Variants in PIK3R3 observed in about 807,000 individuals in gnomAD.
The protein encoded by PIK3R3 is phosphoinositide-3-kinase regulatory subunit 3, also known as phosphatidylinositol 3-kinase regulatory subunit gamma.
In PIK3R3, 64 loss-of-function variants were observed where a neutral mutation model predicts 62.9. The ratio of observed to expected loss-of-function variants is 1.02; its 90% CI spans 0.83 to 1.25. The LOEUF (loss-of-function observed/expected upper bound fraction) is 1.25. Among genes scored for constraint, PIK3R3 ranks in the 50% most tolerant of loss-of-function variants. The pLI, the probability that PIK3R3 is intolerant of heterozygous loss-of-function variation, is 0.00. For synonymous variants in PIK3R3, 165 were observed against 189.0 expected, an observed-to-expected ratio of 0.87 and a Z score of 1.04; for missense variants, 614 against 561.6, an observed-to-expected ratio of 1.09 and a Z score of -0.94.
At chr1:46,157,398 G>T in the PIK3R3 span, among the ~76,000 whole-genome samples, 1 of 152,164 alleles carries the variant, frequency 6.6e-6, no homozygotes, top group Non-Finnish European at 1.5e-5. Flanking sequence ...CTCCCAAGCT[G>T]CTGGGATTAC....
chr1:46,066,675 C>T (rs1649018583), intron 4 of PIK3R3, among the ~76,000 whole-genome samples: 1 of 152,062 alleles, frequency 6.6e-6, no homozygotes, highest in Non-Finnish European at 1.5e-5. Flanking sequence ...CCTGTGATCC[C>T]AGCTACCGGG....
rs1655662135 is a variant in PIK3R3 at position 46,132,105 on chromosome 1, C to A, written c.-153G>T. ...CCAGTACCAGTCCGGCCAAACTACCCGAACAGGGTCCTCCCCCTCTCTCCT... is the reference window on the plus strand; with the variant it reads ...CCAGTACCAGTCCGGCCAAACTACCAGAACAGGGTCCTCCCCCTCTCTCCT... On this transcript the variant is annotated 5_prime_UTR_variant, in exon 1 of 10. Coordinates refer to ENST00000262741, the MANE Select transcript of PIK3R3 (RefSeq NM_003629.4). 1 of 1,418,314 alleles carries A rather than the reference C, an allele frequency of 7.1e-7. No individual in the cohort carries two copies. The highest frequency in any genetic ancestry group is 2.8e-5 in the Admixed American group (1 of 35,434). The allele number at this position is 1,418,314 out of a possible 1,614,324, so 87.9% of individuals were successfully genotyped here.
intron 7 of PIK3R3, chr1:46,048,381 ATTTCAT>A (rs1255313079): frequency 6.6e-6 from 1 of 152,164 alleles, no homozygotes; most frequent in East Asian, 1.9e-4. Context: ...GTTAACTTGG[ATTTCAT>A]TTTTTATTCT....
intron 1 of PIK3R3, chr1:46,104,996 G>T (rs916952093): frequency 4.4e-6 from 3 of 684,906 alleles, no homozygotes; most frequent in Non-Finnish European, 8.1e-6. Context: ...GCAAACAATC[G>T]CAAGGCAGAG....
chr1:46,087,592 CTTT>C (rs35296719), intron 1 of PIK3R3, among the ~76,000 whole-genome samples: 20 of 100,374 alleles, frequency 2.0e-4, no homozygotes, highest in African/African-American at 7.3e-4. Flanking sequence ...ACATATTCAT[CTTT>C]TTTTTTTTTT....
At chr1:46,157,304 C>T in the PIK3R3 span, among the ~76,000 whole-genome samples, 40 of 152,134 alleles carry the variant, frequency 2.6e-4, 1 homozygote, top group African/African-American at 7.5e-4. Flanking sequence ...AGCTAATTTT[C>T]GTATTTTTTG....
At chr1:46,069,609 A>G (rs1017446350) in intron 3 of PIK3R3, among the ~76,000 whole-genome samples, 6 of 152,186 alleles carry the variant, frequency 3.9e-5, no homozygotes, top group Non-Finnish European at 8.8e-5. Context: ...TCAAAAGCAG[A>G]TGATCCAGCA....
At chr1:46,150,553 A>T in the PIK3R3 span, among the ~76,000 whole-genome samples, 70 of 152,280 alleles carry the variant, frequency 4.6e-4, no homozygotes, top group Non-Finnish European at 9.4e-4. Flanking sequence ...CCCTAAACCC[A>T]TTATACTAAG....
intron 1 of PIK3R3, among the ~76,000 whole-genome samples, chr1:46,095,664 G>C (rs942375588): frequency 6.6e-6 from 1 of 151,980 alleles, no homozygotes. Context: ...GAACTTAAAA[G>C]TAGAAGGAAA....
rs981870524 is a variant in PIK3R3, at chr1:46,042,123, C to G, written c.*1550G>C. 1 of 220,788 alleles carries G rather than the reference C, an allele frequency of 4.5e-6. No individual in the cohort carries two copies. The highest frequency in any genetic ancestry group is 9.1e-6 in the Non-Finnish European group (1 of 110,198). 13.7% of individuals were successfully genotyped at this position (220,788 alleles called of 1,614,324 possible). ...GCCTATTATGGTCCCAGGATTGGCT[C>G]AGAGGCAGCTGGACTCTATTTGTCA... On this transcript the variant is annotated 3_prime_UTR_variant, in exon 10 of 10. Transcript: ENST00000262741. This position sits in a 1 kb window ranked among gnomAD's most constrained non-coding sequence, Gnocchi z 4.3.
chr1:46,092,885 G>C (rs894283187), intron 1 of PIK3R3, among the ~76,000 whole-genome samples: 2 of 151,802 alleles, frequency 1.3e-5, no homozygotes, highest in Non-Finnish European at 2.9e-5. Flanking sequence ...TACCTGTCTG[G>C]CAAGACCCCG....
chr1:46,096,823 A>G (rs1415785260), intron 1 of PIK3R3, among the ~76,000 whole-genome samples: 1 of 151,204 alleles, frequency 6.6e-6, no homozygotes, highest in African/African-American at 2.4e-5. Flanking sequence ...CCTGGGCAAC[A>G]GAGCGAGACT....
At chr1:46,108,169 C>T (rs1653390570) in intron 1 of PIK3R3, among the ~76,000 whole-genome samples, 1 of 152,186 alleles carries the variant, frequency 6.6e-6, no homozygotes, top group Non-Finnish European at 1.5e-5. Context: ...ATTACCTTAA[C>T]ATTATAAAAT....
the PIK3R3 span, among the ~76,000 whole-genome samples, chr1:46,159,738 T>TAAAC: frequency 0.028 from 4,108 of 148,106 alleles, 196 homozygotes; most frequent in African/African-American, 0.096. Context: ...ATGAGTACCA[T>TAAAC]ACACACACAC....
intron 1 of PIK3R3, among the ~76,000 whole-genome samples, chr1:46,118,524 G>A (rs1172284588): frequency 6.6e-6 from 1 of 151,026 alleles, no homozygotes; most frequent in Admixed American, 6.6e-5. Context: ...TACATGGTGG[G>A]AAAGCCCCAC....
At chr1:46,147,779 A>G in the PIK3R3 span, among the ~76,000 whole-genome samples, 1 of 152,194 alleles carries the variant, frequency 6.6e-6, no homozygotes, top group Non-Finnish European at 1.5e-5. Context: ...GATTTGTGCT[A>G]ATGAAAACAA....
intron 1 of PIK3R3, among the ~76,000 whole-genome samples, chr1:46,107,164 T>G (rs2149449400): frequency 6.6e-6 from 1 of 152,188 alleles, no homozygotes; most frequent in East Asian, 1.9e-4. Context: ...CAGACCGGCC[T>G]GGCCAACATG....
the PIK3R3 span, among the ~76,000 whole-genome samples, chr1:46,170,106 G>A: frequency 6.6e-6 from 1 of 152,112 alleles, no homozygotes; most frequent in East Asian, 1.9e-4. Context: ...CAGCCACCCC[G>A]AGAAAAGCAT....
intron 1 of PIK3R3, among the ~76,000 whole-genome samples, chr1:46,101,634 T>C (rs1452270944): frequency 1.3e-5 from 2 of 152,214 alleles, no homozygotes; most frequent in East Asian, 1.9e-4. Flanking sequence ...TTCTGATACA[T>C]GCCGCAATAT....
Sources: allele counts gnomAD v4.1 joint callset (sites outside exome capture counted in the v4.1 genomes callset), GRCh38; gene constraint gnomAD v4.1.1; non-coding constraint Gnocchi (gnomAD v3.1); transcripts MANE v1.5; gene names NCBI Gene and HGNC (gene_info 2026-07-23, HGNC 2026-07-21).